Variants in TNNI3K observed in about 807,000 individuals in gnomAD.
TNNI3K encodes the protein serine/threonine-protein kinase TNNI3K.
Under a neutral mutation model 114.5 loss-of-function variants are expected in TNNI3K, and 140 were observed. That is an observed-to-expected ratio of 1.22 (90% CI 1.07 to 1.41). The LOEUF is 1.41. Among genes scored for constraint, TNNI3K ranks in the 40% most tolerant of loss-of-function variants. The pLI, the probability that TNNI3K is intolerant of heterozygous loss-of-function variation, is 0.00. For synonymous variants in TNNI3K, 347 were observed against 347.5 expected (o/e 1.00, Z 0.02); for missense variants, 1,125 against 1,007.6 (o/e 1.12, Z -1.58).
chr1:74,346,861 C>T (rs1661025179), intron 9 of TNNI3K, among the ~76,000 whole-genome samples: 1 of 151,798 alleles, frequency 6.6e-6, no homozygotes, highest in Non-Finnish European at 1.5e-5. Flanking sequence ...CTTGCTGTGT[C>T]TTCACATGGC....
At chr1:74,466,560 G>A (rs1667690435) in intron 21 of TNNI3K, among the ~76,000 whole-genome samples, 1 of 152,190 alleles carries the variant, frequency 6.6e-6, no homozygotes, top group Non-Finnish European at 1.5e-5. Flanking sequence ...TTGTTCTGCT[G>A]ATGAGATGAA....
At chr1:74,531,367 C>A (rs925301643) in intron 23 of TNNI3K, among the ~76,000 whole-genome samples, 1 of 152,130 alleles carries the variant, frequency 6.6e-6, no homozygotes, top group African/African-American at 2.4e-5. Context: ...AGCAAATGGC[C>A]ATTCATAAGA....
intron 5 of TNNI3K, among the ~76,000 whole-genome samples, chr1:74,304,185 G>A (rs115068887): frequency 0.044 from 6,706 of 152,282 alleles, 193 homozygotes; most frequent in Non-Finnish European, 0.054. Flanking sequence ...TTTGAAAGAA[G>A]TTCTACTGTG....
intron 5 of TNNI3K, among the ~76,000 whole-genome samples, chr1:74,305,570 A>G (rs577534782): frequency 6.6e-6 from 1 of 152,246 alleles, no homozygotes; most frequent in Non-Finnish European, 1.5e-5. Context: ...GGGGCACATG[A>G]CTTTGAGCAA....
intron 4 of TNNI3K, among the ~76,000 whole-genome samples, chr1:74,269,818 A>G (rs1413254724): frequency 2.0e-5 from 3 of 151,824 alleles, no homozygotes; most frequent in Non-Finnish European, 4.4e-5. Context: ...ATCAGATTGT[A>G]TAATAATTAC....
chr1:74,518,107 C>T (rs1006718588), intron 23 of TNNI3K, among the ~76,000 whole-genome samples: 3 of 152,026 alleles, frequency 2.0e-5, no homozygotes, highest in Non-Finnish European at 2.9e-5. Flanking sequence ...GATGGTGGAC[C>T]AGGAGGTTCC....
chr1:74,513,348 T>C (rs1413010187), intron 23 of TNNI3K, among the ~76,000 whole-genome samples: 2 of 152,216 alleles, frequency 1.3e-5, no homozygotes, highest in Non-Finnish European at 2.9e-5. Flanking sequence ...AGTGAGTCCA[T>C]GAAATGTTGG....
At chr1:74,483,372 C>A (rs1208746553) in intron 21 of TNNI3K, 1 of 717,154 alleles carries the variant, frequency 1.4e-6, no homozygotes. Context: ...TACCAGCCAT[C>A]CACCTGAAAG....
intron 17 of TNNI3K, among the ~76,000 whole-genome samples, chr1:74,395,201 G>T (rs1227595289): frequency 1.3e-5 from 2 of 152,092 alleles, no homozygotes; most frequent in Non-Finnish European, 2.9e-5. Context: ...CATGCTGGGG[G>T]TGCCTGAGCA....
intron 17 of TNNI3K, chr1:74,374,886 T>C (rs1271461013): frequency 1.3e-5 from 2 of 152,004 alleles, no homozygotes; most frequent in Non-Finnish European, 2.9e-5. Context: ...ATTTAAACTT[T>C]TTACTTAATA....
At chr1:74,500,554 A>T (rs1669566310) in intron 23 of TNNI3K, among the ~76,000 whole-genome samples, 1 of 127,954 alleles carries the variant, frequency 7.8e-6, no homozygotes, top group East Asian at 2.7e-4. Context: ...CAGTGAGCTG[A>T]GATCCCGCCA....
At chr1:74,297,522 C>CGTGTGTGTGTGTGTGTGTGTGTGT (rs10633137) in intron 5 of TNNI3K, among the ~76,000 whole-genome samples, 3 of 145,354 alleles carry the variant, frequency 2.1e-5, no homozygotes, top group African/African-American at 7.6e-5. Flanking sequence ...TGTGTGTGTG[C>CGTGTGTGTGTGTGTGTGTGTGTGT]GTGTGTGTGT....
At chr1:74,247,961 G>A (rs58058866) in intron 2 of TNNI3K, among the ~76,000 whole-genome samples, 1,747 of 152,088 alleles carry the variant, frequency 0.011, 36 homozygotes, top group African/African-American at 0.04. Flanking sequence ...GGTGGTGCCC[G>A]TCGGGGTGGC....
At chr1:74,359,908 C>A (rs1466613314) in intron 11 of TNNI3K, among the ~76,000 whole-genome samples, 1 of 151,746 alleles carries the variant, frequency 6.6e-6, no homozygotes, top group African/African-American at 2.4e-5. Context: ...CTTTCTTGTA[C>A]TATGTATCCT....
Position 74,238,573 on chromosome 1 carries a change from T to G in TNNI3K, c.149+2363T>G, listed in dbSNP as rs562651073. Among the ~76,000 whole-genome samples, 22 of 152,184 alleles carry G rather than the reference T, an allele frequency of 1.4e-4. No homozygotes were observed. In the South Asian group the frequency reaches 2.7e-3, roughly 19 times the overall value. On this transcript the variant is annotated intron_variant, in intron 2 of 24. Transcript: ENST00000326637. ...AAGAGGATGATTTCAAAATTAAAAA[T>G]GTAAAGTATTAGCACAATTTAGGAA...
At chr1:74,410,454 A>G (rs960155982) in intron 17 of TNNI3K, among the ~76,000 whole-genome samples, 3 of 152,218 alleles carry the variant, frequency 2.0e-5, no homozygotes, top group Admixed American at 6.5e-5. Context: ...CCAAATTTTC[A>G]TAACACAAAT....
chr1:74,304,549 C>T (rs1238291463), intron 5 of TNNI3K, among the ~76,000 whole-genome samples: 2 of 152,108 alleles, frequency 1.3e-5, no homozygotes, highest in Non-Finnish European at 2.9e-5. Context: ...CTCACATGAA[C>T]CTCCTCACTC....
At chr1:74,387,694 C>T (rs997179928) in intron 17 of TNNI3K, among the ~76,000 whole-genome samples, 1 of 152,214 alleles carries the variant, frequency 6.6e-6, no homozygotes, top group Admixed American at 6.5e-5. Flanking sequence ...AGACTGTGCA[C>T]TTTGAAGTCG....
chr1:74,247,066 G>A (rs1167622572), intron 2 of TNNI3K, among the ~76,000 whole-genome samples: 1 of 152,136 alleles, frequency 6.6e-6, no homozygotes, highest in African/African-American at 2.4e-5. Context: ...TCCGGAATTG[G>A]TGGGTTCTTG....
Sources: gnomAD v4.1 joint callset for allele counts (sites outside exome capture counted in the v4.1 genomes callset) on GRCh38, gnomAD v4.1.1 for gene constraint, MANE v1.5 for transcripts, NCBI Gene and HGNC (gene_info 2026-07-23, HGNC 2026-07-21) for gene names.